LRRC7: variants seen among roughly 807,000 people sequenced by gnomAD.
LRRC7 encodes leucine rich repeat containing 7.
LRRC7 carries 23 observed loss-of-function variants against 175.7 expected under a neutral mutation model. That is an observed-to-expected ratio of 0.13 (90% confidence interval 0.09 to 0.19). LRRC7 has a LOEUF of 0.19. LRRC7 is among the 10% of genes least tolerant of loss of function. The pLI is 1.00. For missense variants in LRRC7, 1,354 were observed against 1,904.7 expected, an observed-to-expected ratio of 0.71 and a Z score of 5.38; for synonymous variants, 685 against 680.9, an observed-to-expected ratio of 1.01 and a Z score of -0.09.
chr1:70,048,762 T>A (rs1001138438), intron 22 of LRRC7, among the ~76,000 whole-genome samples: 2 of 152,158 alleles, frequency 1.3e-5, no homozygotes, highest in Non-Finnish European at 2.9e-5. Context: ...GTAATTATCT[T>A]GTGCTTTTTC....
chr1:69,887,833 A>G (rs1645691441), intron 7 of LRRC7, among the ~76,000 whole-genome samples: 1 of 146,928 alleles, frequency 6.8e-6, no homozygotes, highest in Non-Finnish European at 1.5e-5. Flanking sequence ...TTTTCCTTCT[A>G]ACAGACAGGA....
chr1:70,016,145 C>T (rs1327368301), intron 13 of LRRC7, among the ~76,000 whole-genome samples: 1 of 151,938 alleles, frequency 6.6e-6, no homozygotes, highest in African/African-American at 2.4e-5. Flanking sequence ...AAGAGCAGGC[C>T]GATAGAGCCA....
At chr1:69,836,849 T>TTAATCATTA (rs1681168888) in intron 6 of LRRC7, among the ~76,000 whole-genome samples, 1 of 150,822 alleles carries the variant, frequency 6.6e-6, no homozygotes, top group African/African-American at 2.4e-5. Context: ...CATTATAAGA[T>TTAATCATTA]TAAAATTAAA....
At chr1:69,977,733 C>T (rs1652972820) in intron 8 of LRRC7, among the ~76,000 whole-genome samples, 1 of 152,144 alleles carries the variant, frequency 6.6e-6, no homozygotes. Flanking sequence ...CTCTCTCTTC[C>T]CTTGCTTTGG....
intron 23 of LRRC7, among the ~76,000 whole-genome samples, chr1:70,054,680 A>G (rs1661008902): frequency 1.4e-5 from 2 of 138,740 alleles, no homozygotes; most frequent in African/African-American, 2.8e-5. Context: ...GCTCACTGCA[A>G]TCTCCACCTC....
chr1:69,675,932 G>A (rs1027661692), intron 1 of LRRC7, among the ~76,000 whole-genome samples: 1 of 151,476 alleles, frequency 6.6e-6, no homozygotes, highest in Non-Finnish European at 1.5e-5. Flanking sequence ...GTGAAACTAA[G>A]ATTCAAGTTA....
At chr1:69,674,737 A>G (rs1659549148) in intron 1 of LRRC7, among the ~76,000 whole-genome samples, 1 of 152,124 alleles carries the variant, frequency 6.6e-6, no homozygotes, top group African/African-American at 2.4e-5. Context: ...TTGGCCACTT[A>G]TATACCTGGA....
At chr1:69,806,049 A>G (rs1396523331) in intron 4 of LRRC7, among the ~76,000 whole-genome samples, 3 of 151,876 alleles carry the variant, frequency 2.0e-5, no homozygotes, top group African/African-American at 7.2e-5. Context: ...ATGGGCAATG[A>G]AGCATTGTGA....
At chr1:69,653,075 C>T (rs1032610060) in intron 1 of LRRC7, among the ~76,000 whole-genome samples, 5 of 151,854 alleles carry the variant, frequency 3.3e-5, no homozygotes, top group African/African-American at 1.2e-4. Flanking sequence ...ACAGGGTCAA[C>T]AAAAGTAAGA....
chr1:70,067,419 T>G (rs1208641249), intron 23 of LRRC7, among the ~76,000 whole-genome samples: 1 of 152,140 alleles, frequency 6.6e-6, no homozygotes, highest in East Asian at 1.9e-4. Flanking sequence ...CATCTTTGTC[T>G]CAAATCATTT....
chr1:69,915,753 A>C (rs1025085703), intron 7 of LRRC7, among the ~76,000 whole-genome samples: 1 of 151,968 alleles, frequency 6.6e-6, no homozygotes, highest in Non-Finnish European at 1.5e-5. Context: ...AAGCTTTTTC[A>C]AACTCTGAAA....
intron 4 of LRRC7, among the ~76,000 whole-genome samples, chr1:69,812,330 T>C (rs747981040): frequency 5.9e-5 from 9 of 152,162 alleles, no homozygotes; most frequent in Non-Finnish European, 1.3e-4. Flanking sequence ...AAGCTAGGCC[T>C]AGTTTCAAAC....
intron 3 of LRRC7, among the ~76,000 whole-genome samples, chr1:69,775,709 A>G (rs1672738046): frequency 6.6e-6 from 1 of 152,226 alleles, no homozygotes; most frequent in Non-Finnish European, 1.5e-5. Context: ...TATAATGACA[A>G]TTAATTAAAT....
chr1:69,608,858 CTCTCTCTCTATATATATATATA>C (rs1474928581), intron 1 of LRRC7, among the ~76,000 whole-genome samples: 76 of 25,896 alleles, frequency 2.9e-3, no homozygotes, highest in East Asian at 5.4e-3. Flanking sequence ...CTCTCTCTCT[CTCTCTCTCTATATATATATATA>C]TATATATATA....
intron 7 of LRRC7, among the ~76,000 whole-genome samples, chr1:69,890,093 T>C (rs1012585433): frequency 6.6e-6 from 1 of 152,220 alleles, no homozygotes; most frequent in Non-Finnish European, 1.5e-5. Flanking sequence ...TTTGATCTCC[T>C]CTCATAAATT....
rs371952437 is a variant in LRRC7 at position 69,584,344 on chromosome 1, T to C, written c.2+15703T>C. Among the ~76,000 whole-genome samples, 5 of 152,314 alleles carry C rather than the reference T, an allele frequency of 3.3e-5. No homozygotes were observed. The East Asian group carries it at 5.8e-4, about 18-fold the overall frequency. On this transcript the variant is annotated intron_variant, in intron 1 of 26. Transcript: ENST00000651989. ...CCTCCGTTACTCCCTTGCCATCTGCTGCCCTGGCCTTCAAAATTTTATTTT... is the reference window on the plus strand; with the variant it reads ...CCTCCGTTACTCCCTTGCCATCTGCCGCCCTGGCCTTCAAAATTTTATTTT...
rs191710861 is a variant in LRRC7 at position 69,751,900 on chromosome 1, G to A, written c.101-8291G>A. ...GTTTATTTGCTGATATGATACATCA[G>A]CATTAAAGACCATAAGGAGATTTGT... is the stretch of plus-strand genomic sequence containing the variant. On this transcript the variant is annotated intron_variant, in intron 2 of 26. Transcript: ENST00000651989. Among the ~76,000 whole-genome samples, 24 of 152,190 alleles carry A rather than the reference G, an allele frequency of 1.6e-4. 1 individual carries two copies. In the East Asian group the frequency reaches 3.9e-3, roughly 25 times the overall value.
At chr1:69,664,099 C>T (rs1431846525) in intron 1 of LRRC7, among the ~76,000 whole-genome samples, 1 of 152,186 alleles carries the variant, frequency 6.6e-6, no homozygotes, top group Non-Finnish European at 1.5e-5. Context: ...ATAATGACTA[C>T]CAGTTCCCTC....
At chr1:69,956,706 T>TA (rs1474733267) in intron 8 of LRRC7, among the ~76,000 whole-genome samples, 1 of 151,630 alleles carries the variant, frequency 6.6e-6, no homozygotes, top group Admixed American at 6.6e-5. Flanking sequence ...GAATGTATTG[T>TA]AAAAATAGGA....
Sources: gnomAD v4.1 joint callset for allele counts (sites outside exome capture counted in the v4.1 genomes callset) on GRCh38, gnomAD v4.1.1 for gene constraint, MANE v1.5 for transcripts, NCBI Gene and HGNC (gene_info 2026-07-23, HGNC 2026-07-21) for gene names.